NT5DC1: variants seen among roughly 807,000 people sequenced by gnomAD.
The protein encoded by NT5DC1 is 5'-nucleotidase domain-containing protein 1.
A neutral mutation model predicts 59.4 loss-of-function variants in NT5DC1; 42 were observed. The ratio of observed to expected loss-of-function variants is 0.71; its 90% CI spans 0.55 to 0.92. NT5DC1 has a LOEUF of 0.92. Ranked by LOEUF, NT5DC1 falls within the 40% of genes least tolerant of loss-of-function variation. The probability of loss-of-function intolerance (pLI) is 0.00; values close to 1 mark genes in which losing one functional copy is unlikely to be tolerated. For synonymous variants in NT5DC1, 172 were observed against 188.1 expected, an observed-to-expected ratio of 0.91 and a Z score of 0.70; for missense variants, 501 against 537.1, an observed-to-expected ratio of 0.93 and a Z score of 0.66.
intron 6 of NT5DC1, among the ~76,000 whole-genome samples, chr6:116,162,330 A>G (rs1241802837): frequency 6.6e-6 from 1 of 152,182 alleles, no homozygotes. Context: ...AGGAGTGGTG[A>G]AAGTGCACAT....
chr6:116,242,990 C>T (rs982525488), intron 11 of NT5DC1, among the ~76,000 whole-genome samples: 1 of 152,106 alleles, frequency 6.6e-6, no homozygotes, highest in Non-Finnish European at 1.5e-5. Flanking sequence ...CTCCTCTCTC[C>T]GCTGGTTCCT....
At chr6:116,237,422 T>C (rs928265822) in intron 9 of NT5DC1, 1 of 476,432 alleles carries the variant, frequency 2.1e-6, no homozygotes, top group Non-Finnish European at 4.2e-6. Context: ...ATGTTGGACA[T>C]TGGTGCATTT....
intron 6 of NT5DC1, among the ~76,000 whole-genome samples, chr6:116,185,340 T>G (rs1446188929): frequency 2.0e-5 from 3 of 152,108 alleles, no homozygotes; most frequent in Non-Finnish European, 4.4e-5. Flanking sequence ...TATTCTGCAG[T>G]TGTTGGGTAG....
chr6:116,163,138 A>AT (rs1554197039), intron 6 of NT5DC1, among the ~76,000 whole-genome samples: 1,758 of 117,994 alleles, frequency 0.015, 43 homozygotes, highest in East Asian at 0.11. Flanking sequence ...AAAAAAAAAA[A>AT]AAAATATATA....
In NT5DC1 at chr6:116,177,464, C is replaced by T. The variant is rs73774218; in HGVS notation, c.530-43590C>T. 5.7e-3 allele frequency among the ~76,000 whole-genome samples: 863 copies of T among 152,216 alleles called. 17 individuals are homozygous for T. The highest frequency in any genetic ancestry group is 0.046 in the South Asian group (220 of 4,828). On this transcript the variant is annotated intron_variant, in intron 6 of 11. Transcript: ENST00000319550. ...ATTGCAAAATGGGTAAAAGTATATT[C>T]ATGAGCTTTCTTCTCTTTAATGATA...
rs1313837578 is a variant in NT5DC1, at chr6:116,205,188, T to A, written c.530-15866T>A. Among the ~76,000 whole-genome samples, 7 of 152,088 alleles carry A rather than the reference T, an allele frequency of 4.6e-5. No individual in the cohort carries two copies. In the East Asian group the frequency reaches 1.4e-3, roughly 30 times the overall value. Reference sequence around the variant, plus strand: ...CATTACAGACAGAAACTAAAAACCATGTCTTCAGGCTGCTAAAAGCCTAAA... The same window carrying A: ...CATTACAGACAGAAACTAAAAACCAAGTCTTCAGGCTGCTAAAAGCCTAAA... On this transcript the variant is annotated intron_variant, in intron 6 of 11. Coordinates refer to ENST00000319550, the MANE Select transcript of NT5DC1 (RefSeq NM_152729.3).
At chr6:116,202,519 A>G (rs1039325291) in intron 6 of NT5DC1, among the ~76,000 whole-genome samples, 6 of 151,962 alleles carry the variant, frequency 3.9e-5, no homozygotes, top group African/African-American at 1.4e-4. Context: ...CAATAGGTTT[A>G]TTTCTTTAAT....
intron 6 of NT5DC1, among the ~76,000 whole-genome samples, chr6:116,163,440 T>G (rs1446767572): frequency 3.3e-5 from 5 of 152,030 alleles, no homozygotes; most frequent in Non-Finnish European, 7.4e-5. Flanking sequence ...CTGATGATGT[T>G]TCGTATTTCT....
At chr6:116,191,130 A>G (rs1008968939) in intron 6 of NT5DC1, among the ~76,000 whole-genome samples, 1 of 151,624 alleles carries the variant, frequency 6.6e-6, no homozygotes, top group Non-Finnish European at 1.5e-5. Flanking sequence ...AATTTTTTTA[A>G]TGTAGGGTGT....
chr6:116,101,664 C>T (rs966237343), intron 1 of NT5DC1, among the ~76,000 whole-genome samples: 1 of 152,156 alleles, frequency 6.6e-6, no homozygotes, highest in Admixed American at 6.5e-5. Flanking sequence ...GAATACATTC[C>T]AGTCCTACCA....
intron 6 of NT5DC1, among the ~76,000 whole-genome samples, chr6:116,143,969 T>C (rs1779828620): frequency 6.6e-6 from 1 of 152,202 alleles, no homozygotes; most frequent in African/African-American, 2.4e-5. Context: ...GTCTTAAACC[T>C]TTTTATAACT....
At chr6:116,116,721 G>A (rs908459298) in intron 5 of NT5DC1, among the ~76,000 whole-genome samples, 1 of 152,114 alleles carries the variant, frequency 6.6e-6, no homozygotes, top group Non-Finnish European at 1.5e-5. Flanking sequence ...TTACATTTAT[G>A]TGTTGTGAAA....
rs897428903 is a variant in NT5DC1 at position 116,246,911 on chromosome 6, A to C, written c.*2887A>C. Reference sequence around the variant, plus strand: ...CAGAAATAATAGTAAAACAGTGGTCATGAGTAGCCTCACTAGGCTACTTCA... The same window carrying C: ...CAGAAATAATAGTAAAACAGTGGTCCTGAGTAGCCTCACTAGGCTACTTCA... On this transcript the variant is annotated 3_prime_UTR_variant, in exon 12 of 12. Coordinates refer to ENST00000319550, the MANE Select transcript of NT5DC1 (RefSeq NM_152729.3). The C allele has an allele frequency of 2.4e-4, 37 of 152,220 alleles. No individual in the cohort carries two copies. The highest frequency in any genetic ancestry group is 2.1e-3 in the Admixed American group (32 of 15,272). The allele number at this position is 152,220 out of a possible 1,614,324, so 9.4% of individuals were successfully genotyped here.
At chr6:116,154,541 T>C (rs1186152018) in intron 6 of NT5DC1, among the ~76,000 whole-genome samples, 9 of 152,076 alleles carry the variant, frequency 5.9e-5, no homozygotes, top group African/African-American at 1.7e-4. Context: ...GAAAAAAAAA[T>C]ACACAAAACT....
chr6:116,116,591 G>A (rs1487694417), intron 5 of NT5DC1, among the ~76,000 whole-genome samples: 1 of 152,102 alleles, frequency 6.6e-6, no homozygotes, highest in East Asian at 1.9e-4. Context: ...GCAGTGAGCC[G>A]AGATCACGCC....
At chr6:116,213,240 C>T (rs1412133209) in intron 6 of NT5DC1, among the ~76,000 whole-genome samples, 2 of 152,066 alleles carry the variant, frequency 1.3e-5, no homozygotes, top group Non-Finnish European at 2.9e-5. Context: ...CTTCTGAAGG[C>T]ATGACTGGGC....
intron 8 of NT5DC1, among the ~76,000 whole-genome samples, chr6:116,232,783 C>T (rs988764624): frequency 2.6e-5 from 4 of 152,076 alleles, no homozygotes; most frequent in African/African-American, 4.8e-5. Flanking sequence ...TTTTTAAACT[C>T]GTCTTGTCCA....
At chr6:116,121,653 G>C in intron 6 of NT5DC1, 5 of 1,614,026 alleles carry the variant, frequency 3.1e-6, no homozygotes, top group Non-Finnish European at 4.2e-6. Flanking sequence ...GGTTTTCCTG[G>C]CACAGAAATT....
At position 116,247,968 on chromosome 6, in the gene NT5DC1, A is replaced by C. The variant is rs749696115; in HGVS notation, c.*3944A>C. ...TTTCATTCATGTGCAGCAAACATCA[A>C]GGTTACATAAGTAAATTCAAATGTG... On this transcript the variant is annotated 3_prime_UTR_variant, in exon 12 of 12. Transcript: ENST00000319550. The C allele has an allele frequency of 6.6e-6, 1 of 152,230 alleles. No individual in the cohort carries two copies. The highest frequency in any genetic ancestry group is 2.1e-4 in the South Asian group (1 of 4,834). 9.4% of individuals were successfully genotyped at this position (152,230 alleles called of 1,614,324 possible). A position where few individuals can be genotyped will look rare whatever the true frequency, so the allele number is the denominator to read the frequency against.
Sources: allele counts gnomAD v4.1 joint callset (sites outside exome capture counted in the v4.1 genomes callset), GRCh38; gene constraint gnomAD v4.1.1; transcripts MANE v1.5; gene names NCBI Gene and HGNC (gene_info 2026-07-23, HGNC 2026-07-21).